NSD1: variants seen among roughly 807,000 people sequenced by gnomAD.
The protein encoded by NSD1 is histone-lysine N-methyltransferase, H3 lysine-36 specific.
In NSD1, 26 loss-of-function variants were observed where a neutral mutation model predicts 242.7. The ratio of observed to expected loss-of-function variants is 0.11; its 90% CI spans 0.08 to 0.15. The LOEUF is 0.15. Ranked by LOEUF, NSD1 falls within the 10% of genes least tolerant of loss-of-function variation. NSD1 has a pLI of 1.00. For missense variants in NSD1, 2,495 were observed against 3,272.8 expected, an observed-to-expected ratio of 0.76 and a Z score of 5.80; for synonymous variants, 1,106 against 1,178.1, an observed-to-expected ratio of 0.94 and a Z score of 1.25.
At chr5:177,249,456 A>T (rs141424644) in intron 11 of NSD1, among the ~76,000 whole-genome samples, 2,934 of 151,202 alleles carry the variant, frequency 0.019, 36 homozygotes, top group African/African-American at 0.026. Context: ...TTATTAATTA[A>T]TTATTTATTT....
intron 8 of NSD1, among the ~76,000 whole-genome samples, chr5:177,240,177 C>G (rs1001079289): frequency 1.3e-5 from 2 of 152,122 alleles, no homozygotes; most frequent in African/African-American, 4.8e-5. Context: ...TTCTACTAAA[C>G]TACTATCTCA....
intron 5 of NSD1, among the ~76,000 whole-genome samples, chr5:177,217,428 A>G (rs1289420950): frequency 1.3e-5 from 2 of 152,130 alleles, no homozygotes; most frequent in African/African-American, 2.4e-5. Flanking sequence ...GTCATCTGCA[A>G]AGAGATAATT....
At chr5:177,218,729 G>A (rs913068931) in intron 5 of NSD1, among the ~76,000 whole-genome samples, 3 of 151,650 alleles carry the variant, frequency 2.0e-5, no homozygotes, top group Non-Finnish European at 4.4e-5. Context: ...CACCACGCCC[G>A]GCTAAATTTT....
At chr5:177,165,964 C>T (rs1325302624) in intron 2 of NSD1, among the ~76,000 whole-genome samples, 3 of 143,538 alleles carry the variant, frequency 2.1e-5, no homozygotes, top group Non-Finnish European at 3.0e-5. Context: ...GGCTGGAGTG[C>T]GGTGGCGCAA....
intron 4 of NSD1, among the ~76,000 whole-genome samples, chr5:177,205,717 A>G (rs999594314): frequency 4.6e-5 from 7 of 151,818 alleles, no homozygotes; most frequent in Admixed American, 3.3e-4. Context: ...CCACCATTCT[A>G]CTGTTTGTCT....
chr5:177,167,751 G>A (rs1197394842), intron 2 of NSD1, among the ~76,000 whole-genome samples: 1 of 152,070 alleles, frequency 6.6e-6, no homozygotes, highest in Non-Finnish European at 1.5e-5. Flanking sequence ...TTCATGGTGG[G>A]CTTATCTGGA....
intron 5 of NSD1, among the ~76,000 whole-genome samples, chr5:177,220,771 G>A (rs1218925376): frequency 6.6e-6 from 1 of 151,792 alleles, no homozygotes; most frequent in Non-Finnish European, 1.5e-5. Flanking sequence ...GGGTTTTGCA[G>A]TGTTGGCCAC....
chr5:177,141,170 C>T (rs1433957328), intron 2 of NSD1, among the ~76,000 whole-genome samples: 1 of 151,690 alleles, frequency 6.6e-6, no homozygotes, highest in Non-Finnish European at 1.5e-5. Flanking sequence ...TACAGGCGCC[C>T]GCCACCGCAA....
intron 12 of NSD1, among the ~76,000 whole-genome samples, chr5:177,254,524 C>T (rs1266760378): frequency 1.3e-5 from 2 of 152,098 alleles, no homozygotes; most frequent in African/African-American, 2.4e-5. Flanking sequence ...CTCAGTCTCC[C>T]GAGTAGCAAG....
chr5:177,173,185 G>A (rs541676624), intron 2 of NSD1, among the ~76,000 whole-genome samples: 15 of 150,324 alleles, frequency 1.0e-4, no homozygotes, highest in Non-Finnish European at 1.9e-4. Flanking sequence ...CCAGCTACTC[G>A]GGAGGCTGAG....
At chr5:177,187,038 A>C (rs1331576280) in intron 2 of NSD1, among the ~76,000 whole-genome samples, 1 of 152,018 alleles carries the variant, frequency 6.6e-6, no homozygotes, top group Non-Finnish European at 1.5e-5. Context: ...AATGCAAAAA[A>C]CATGGTCTTT....
At chr5:177,246,039 C>T (rs940128126) in intron 9 of NSD1, among the ~76,000 whole-genome samples, 3 of 151,376 alleles carry the variant, frequency 2.0e-5, no homozygotes, top group African/African-American at 4.9e-5. Flanking sequence ...GGCATGATCT[C>T]GGCTCACTGC....
At chr5:177,188,066 C>G (rs1761376288) in intron 2 of NSD1, among the ~76,000 whole-genome samples, 1 of 152,228 alleles carries the variant, frequency 6.6e-6, no homozygotes, top group Non-Finnish European at 1.5e-5. Flanking sequence ...TACATTTTCT[C>G]TGATCTCTTT....
At chr5:177,224,103 G>GT (rs1393802295) in intron 5 of NSD1, among the ~76,000 whole-genome samples, 3 of 152,180 alleles carry the variant, frequency 2.0e-5, no homozygotes, top group Admixed American at 6.5e-5. Context: ...GAAAGTATAA[G>GT]TTTTTTAACT....
chr5:177,148,315 A>G (rs2149773207), intron 2 of NSD1, among the ~76,000 whole-genome samples: 1 of 152,124 alleles, frequency 6.6e-6, no homozygotes, highest in Middle Eastern at 3.4e-3. Context: ...ATGGGGTTTC[A>G]CTGTGTTTGC....
chr5:177,136,606 C>CTT (rs1174352886), intron 2 of NSD1, among the ~76,000 whole-genome samples: 5 of 141,376 alleles, frequency 3.5e-5, no homozygotes, highest in African/African-American at 7.7e-5. Flanking sequence ...ACCATTAGCT[C>CTT]TTTTTTTTTT....
Position 177,176,780 on chromosome 5 carries a change from T to A in NSD1, c.928-15104T>A, listed in dbSNP as rs114903958. ...GAGCTTATAACAACTTTGTTTTATA[T>A]TTTGCCAAAAAGCCTTTGGATTCTT... On this transcript the variant is annotated intron_variant, in intron 2 of 22. Transcript: ENST00000439151. 7.6e-3 allele frequency among the ~76,000 whole-genome samples: 1,153 copies of A among 152,290 alleles called. 14 individuals carry two copies. Among genetic ancestry groups the A allele is most frequent in the African/African-American group, 0.027 (1,105 of 41,550 alleles).
At position 177,265,546 on chromosome 5, in the gene NSD1, C is replaced by T. The variant is rs1757360108; in HGVS notation, c.5147-2016C>T. 4 of 888,052 alleles carry T rather than the reference C, an allele frequency of 4.5e-6. No homozygotes were observed. In the Admixed American group the frequency reaches 7.8e-5, roughly 17 times the overall value. 55.0% of individuals were successfully genotyped at this position (888,052 alleles called of 1,614,324 possible). On this transcript the variant is annotated intron_variant, in intron 14 of 22. Transcript: ENST00000439151. ...TCTAGGAATGCTCAGCCCCTGGGCC[C>T]GTGCAGGGCGGGAGAGCCGGGCCTC...
intron 2 of NSD1, among the ~76,000 whole-genome samples, chr5:177,180,827 C>T (rs1046014140): frequency 2.6e-5 from 4 of 151,474 alleles, no homozygotes; most frequent in East Asian, 1.9e-4. Flanking sequence ...GGATTACAGG[C>T]GCATGCCACC....
Sources: allele counts gnomAD v4.1 joint callset (sites outside exome capture counted in the v4.1 genomes callset), GRCh38; gene constraint gnomAD v4.1.1; transcripts MANE v1.5; gene names NCBI Gene and HGNC (gene_info 2026-07-23, HGNC 2026-07-21).